The following FSTL5 variants were observed in gnomAD, a reference collection of about 807,000 sequenced individuals.
FSTL5 encodes follistatin-related protein 5.
In FSTL5, 62 loss-of-function variants were observed where a neutral mutation model predicts 89.1. The observed-to-expected ratio is 0.70, with a 90% CI of 0.57 to 0.86. The LOEUF (loss-of-function observed/expected upper bound fraction) is 0.86. FSTL5 is among the 40% of genes least tolerant of loss of function. FSTL5 has a pLI of 0.00. For missense variants in FSTL5, 1,057 were observed against 1,001.6 expected (o/e 1.06, Z -0.75); for synonymous variants, 383 against 346.2 (o/e 1.11, Z -1.18).
chr4:161,973,019 T>A (rs1485215317), intron 3 of FSTL5, among the ~76,000 whole-genome samples: 1 of 152,164 alleles, frequency 6.6e-6, no homozygotes, highest in Non-Finnish European at 1.5e-5. Flanking sequence ...GGAATTGGTA[T>A]TTTTTTACTA....
chr4:161,463,105 G>T (rs1733636456), intron 13 of FSTL5, among the ~76,000 whole-genome samples: 1 of 152,082 alleles, frequency 6.6e-6, no homozygotes, highest in Non-Finnish European at 1.5e-5. Flanking sequence ...GTGTCAGAAA[G>T]CAGTTCATGA....
At chr4:161,476,189 G>GTTTTTTTTTTTTTTTTTTTTTT (rs1241724019) in intron 13 of FSTL5, among the ~76,000 whole-genome samples, 3 of 106,898 alleles carry the variant, frequency 2.8e-5, no homozygotes, top group African/African-American at 7.5e-5. Context: ...TTTTTTTTTT[G>GTTTTTTTTTTTTTTTTTTTTTT]TTTGTTTGTT....
chr4:161,845,312 T>A (rs1201069778), intron 4 of FSTL5, among the ~76,000 whole-genome samples: 1 of 152,178 alleles, frequency 6.6e-6, no homozygotes, highest in African/African-American at 2.4e-5. Context: ...TCTCTCTACT[T>A]ACGTTGTCTC....
chr4:161,852,606 A>C (rs962380032), intron 4 of FSTL5, among the ~76,000 whole-genome samples: 3 of 152,234 alleles, frequency 2.0e-5, no homozygotes, highest in Non-Finnish European at 4.4e-5. Context: ...CAATCCCATT[A>C]CTGCATATAT....
At chr4:161,767,268 T>C (rs2126796471) in intron 5 of FSTL5, among the ~76,000 whole-genome samples, 1 of 152,346 alleles carries the variant, frequency 6.6e-6, no homozygotes, top group Non-Finnish European at 1.5e-5. Flanking sequence ...GTTTTAGTCA[T>C]AATCTATGTT....
intron 4 of FSTL5, among the ~76,000 whole-genome samples, chr4:161,834,210 T>C (rs1265821317): frequency 1.3e-5 from 2 of 152,184 alleles, no homozygotes; most frequent in Admixed American, 6.6e-5. Context: ...ACCACATGAT[T>C]ATCTCAATAG....
intron 3 of FSTL5, among the ~76,000 whole-genome samples, chr4:161,920,959 AC>A (rs1271028487): frequency 6.6e-6 from 1 of 152,096 alleles, no homozygotes; most frequent in Non-Finnish European, 1.5e-5. Context: ...TCCTGGCTTG[AC>A]CACTTACTAG....
At chr4:162,050,973 T>C (rs1332913777) in intron 2 of FSTL5, among the ~76,000 whole-genome samples, 1 of 151,534 alleles carries the variant, frequency 6.6e-6, no homozygotes, top group Non-Finnish European at 1.5e-5. Context: ...GTAACAATAA[T>C]AATAATAATT....
intron 4 of FSTL5, among the ~76,000 whole-genome samples, chr4:161,873,208 C>T (rs534086875): frequency 6.6e-6 from 1 of 152,020 alleles, no homozygotes; most frequent in African/African-American, 2.4e-5. Flanking sequence ...TCAGGTGGGG[C>T]CCTAGACCCT....
chr4:161,812,879 CAAAAAAAAAAAAAAAAA>C (rs35183730), intron 4 of FSTL5, among the ~76,000 whole-genome samples: 4 of 41,566 alleles, frequency 9.6e-5, no homozygotes, highest in South Asian at 3.1e-3. Flanking sequence ...TAAATCCCAG[CAAAAAAAAAAAAAAAAA>C]AAAAAAAAAA....
intron 4 of FSTL5, among the ~76,000 whole-genome samples, chr4:161,776,614 G>A (rs974300924): frequency 1.5e-4 from 23 of 149,052 alleles, no homozygotes; most frequent in African/African-American, 5.3e-4. Flanking sequence ...AATCTGAAAT[G>A]TGTTTTAGAC....
At chr4:161,454,213 A>C (rs977175256) in intron 15 of FSTL5, among the ~76,000 whole-genome samples, 4 of 152,230 alleles carry the variant, frequency 2.6e-5, no homozygotes, top group African/African-American at 9.6e-5. Flanking sequence ...CAGTTTCCAC[A>C]CATCAGAATT....
chr4:161,481,849 C>G (rs1018838601), intron 12 of FSTL5, among the ~76,000 whole-genome samples: 9 of 152,156 alleles, frequency 5.9e-5, no homozygotes, highest in Admixed American at 3.3e-4. Flanking sequence ...TCTATTTCCT[C>G]TTTTCCTTCA....
intron 6 of FSTL5, among the ~76,000 whole-genome samples, chr4:161,679,284 G>T (rs2126706701): frequency 6.6e-6 from 1 of 151,802 alleles, no homozygotes; most frequent in South Asian, 2.1e-4. Flanking sequence ...GACAATGATA[G>T]CTAACATACA....
chr4:161,731,103 C>T (rs17535766), intron 6 of FSTL5, among the ~76,000 whole-genome samples: 3,878 of 152,168 alleles, frequency 0.025, 67 homozygotes, highest in Non-Finnish European at 0.037. Context: ...CTATTTTGCA[C>T]CCTTAAGTTG....
At chr4:161,968,784 T>C (rs999531189) in intron 3 of FSTL5, among the ~76,000 whole-genome samples, 10 of 152,080 alleles carry the variant, frequency 6.6e-5, no homozygotes, top group Non-Finnish European at 1.2e-4. Flanking sequence ...AAGTTAATAT[T>C]TGGTTTATAT....
intron 3 of FSTL5, 54 bp downstream of exon 3, chr4:162,033,571 T>G (rs72980606): frequency 8.6e-6 from 8 of 935,502 alleles, no homozygotes; most frequent in Non-Finnish European, 1.1e-5. Context: ...ACATATCTTT[T>G]TTCTTTCTGT....
At chr4:161,741,905 A>AT (rs1004695337) in intron 6 of FSTL5, among the ~76,000 whole-genome samples, 1 of 151,856 alleles carries the variant, frequency 6.6e-6, no homozygotes, top group Non-Finnish European at 1.5e-5. Context: ...AAGAAGTATG[A>AT]TTTTTTAATA....
At chr4:161,685,420 C>A (rs1284283175) in intron 6 of FSTL5, among the ~76,000 whole-genome samples, 4 of 152,092 alleles carry the variant, frequency 2.6e-5, no homozygotes, top group Admixed American at 6.5e-5. Context: ...TCCATGATTT[C>A]TTTCAGTGGT....
Sources: allele counts gnomAD v4.1 joint callset (sites outside exome capture counted in the v4.1 genomes callset), GRCh38; gene constraint gnomAD v4.1.1; transcripts MANE v1.5; gene names NCBI Gene and HGNC (gene_info 2026-07-23, HGNC 2026-07-21).